Variants in PDK4 observed in about 807,000 individuals in gnomAD.
PDK4 encodes the protein pyruvate dehydrogenase kinase 4.
PDK4 carries 43 observed loss-of-function variants against 51.7 expected under a neutral mutation model. The observed-to-expected ratio is 0.83, with a 90% CI of 0.65 to 1.07. The LOEUF (loss-of-function observed/expected upper bound fraction) is 1.07, where lower values mean the gene tolerates loss of function less well. PDK4 is among the 50% of genes least tolerant of loss of function. PDK4 has a pLI of 0.00. For missense variants in PDK4, 498 were observed against 503.5 expected (o/e 0.99, Z 0.10); for synonymous variants, 170 against 176.6 (o/e 0.96, Z 0.30).
In PDK4 at chr7:95,596,369, C is replaced by G; in HGVS notation, c.-76G>C. On this transcript the variant is annotated 5_prime_UTR_variant, in exon 1 of 11. Coordinates refer to ENST00000005178, the MANE Select transcript of PDK4 (RefSeq NM_002612.4). ...GGCTGCTCGGAGCAGAGCCTGGTTC[C>G]GAGGGGGCGCGGCGCGTCCGGGCGA... 1 of 1,441,150 alleles carries G rather than the reference C, an allele frequency of 6.9e-7. No individual in the cohort carries two copies. Among genetic ancestry groups the G allele is most frequent in the South Asian group, 1.4e-5 (1 of 71,564 alleles). The allele number at this position is 1,441,150 out of a possible 1,614,324, so 89.3% of individuals were successfully genotyped here. A position where few individuals can be genotyped will look rare whatever the true frequency, so the allele number is the denominator to read the frequency against.
At chr7:95,585,896 A>T (rs1386916120) in intron 10 of PDK4, 115 bp from the exon 11 acceptor site, 2 of 830,160 alleles carry the variant, frequency 2.4e-6, no homozygotes, top group African/African-American at 3.4e-5. Flanking sequence ...ATTCAAATAC[A>T]TTCATTTAAT....
chr7:95,592,468 T>C (rs765590601), intron 5 of PDK4, 43 bp downstream of exon 5: 2 of 1,045,898 alleles, frequency 1.9e-6, no homozygotes. Flanking sequence ...CAATCATATA[T>C]TGTACATTTT....
chr7:95,589,502 T>G, intron 7 of PDK4, 138 bp downstream of exon 7: 1 of 513,548 alleles, frequency 1.9e-6, no homozygotes, highest in South Asian at 3.8e-5. Context: ...GTATAGTTTC[T>G]TTCTCTTAGG....
intron 2 of PDK4, among the ~76,000 whole-genome samples, chr7:95,594,409 T>C (rs1791589236): frequency 6.6e-6 from 1 of 151,102 alleles, no homozygotes; most frequent in Admixed American, 6.6e-5. Context: ...GCTGGCTGTG[T>C]GCCAAGTGCT....
chr7:95,592,719 C>T, intron 4 of PDK4, 41 bp downstream of exon 4: 2 of 1,508,862 alleles, frequency 1.3e-6, no homozygotes, highest in Non-Finnish European at 1.8e-6. Context: ...TTATATTCTA[C>T]ACCCATGTCT....
chr7:95,594,873 A>G, intron 2 of PDK4, 150 bp downstream of exon 2: 1 of 455,158 alleles, frequency 2.2e-6, no homozygotes, highest in Non-Finnish European at 3.9e-6. Context: ...ATGATAACTT[A>G]CCCTAAATTA....
At chr7:95,594,673 A>C (rs1791593901) in intron 2 of PDK4, 2 of 156,192 alleles carry the variant, frequency 1.3e-5, no homozygotes, top group African/African-American at 4.8e-5. Context: ...AGTCATGTGA[A>C]TTGGTTTCTA....
At chr7:95,589,472 T>C (rs1791525624) in intron 7 of PDK4, among the ~76,000 whole-genome samples, 168 bp downstream of exon 7, 1 of 152,240 alleles carries the variant, frequency 6.6e-6, no homozygotes, top group African/African-American at 2.4e-5. Context: ...GAGCTACATG[T>C]ACTTTGTCAA....
Position 95,584,353 on chromosome 7 carries a change from T to G in PDK4, c.*1288A>C, listed in dbSNP as rs1182609434. ...TCCTTTCTTTCCTTCCTGCCTTCTT[T>G]CATTTTTCCATTTCTTCTTCTCTAA... On this transcript the variant is annotated 3_prime_UTR_variant, in exon 11 of 11. Transcript: ENST00000005178. 6.6e-6 allele frequency: 1 copy of G among 152,178 alleles called. No homozygotes were observed. The highest frequency in any genetic ancestry group is 1.5e-5 in the Non-Finnish European group (1 of 68,038). 9.4% of individuals were successfully genotyped at this position (152,178 alleles called of 1,614,324 possible).
chr7:95,588,817 G>A lies in PDK4; in HGVS notation c.771+823C>T, dbSNP rs80207639. ...TCTTAATTTAACTTAATCTTAGGAC[G>A]CATGAAAGGATTTGATTCTTAGCAC... is the stretch of plus-strand genomic sequence containing the variant. On this transcript the variant is annotated intron_variant, in intron 7 of 10. Transcript: ENST00000005178. 4.3e-3 allele frequency among the ~76,000 whole-genome samples: 660 copies of A among 152,238 alleles called. 5 individuals carry two copies. The highest frequency in any genetic ancestry group is 0.015 in the African/African-American group (643 of 41,530).
At chr7:95,585,994 G>A (rs908336955) in intron 10 of PDK4, among the ~76,000 whole-genome samples, 1 of 138,140 alleles carries the variant, frequency 7.2e-6, no homozygotes, top group African/African-American at 2.5e-5. Context: ...TTTAAGAAGT[G>A]AATACATTAA....
intron 6 of PDK4, among the ~76,000 whole-genome samples, chr7:95,591,650 C>T (rs1254019173): frequency 8.5e-5 from 13 of 152,224 alleles, no homozygotes; most frequent in Admixed American, 8.5e-4. Context: ...GATATTTCCA[C>T]TGCTATATCC....
rs747724943 is a variant in PDK4 at position 95,585,766 on chromosome 7, A to C, written c.1111T>G (p.Ser371Ala). The C allele has an allele frequency of 6.3e-7, 1 of 1,593,438 alleles. No homozygotes were observed. The highest frequency in any genetic ancestry group is 8.6e-7 in the Non-Finnish European group (1 of 1,164,278). The change falls in exon 11 of 11, where the codon TCT becomes GCT. Residue 371 changes from serine to alanine, a missense_variant. By Grantham distance (99) the Ser-to-Ala change is moderately conservative (BLOSUM62 1). Coordinates refer to ENST00000005178, the MANE Select transcript of PDK4 (RefSeq NM_002612.4). ...IIYLKALSSESIEKLPVFNKS... is the reference protein window; with the variant it reads ...IIYLKALSSEAIEKLPVFNKS... The stretch of plus-strand genomic sequence containing the variant: ...TTAAAAACTGGAAGTTTTTCTATAG[A>C]CTCAGAAGACAAAGCCTAAAAGAAA...
At position 95,587,030 on chromosome 7, in the gene PDK4, C is replaced by A; in HGVS notation, c.1075G>T (p.Asp359Tyr). Residue 359 changes from aspartate to tyrosine, a missense_variant, in exon 10 of 11, where the codon GAT becomes TAT. By Grantham distance (160) the Asp-to-Tyr change is radical. Transcript: ENST00000005178. ...GATACCTTTAAGTAGATGATAGCAT[C>A]TGTTCCATATCCTGATAAAGAGTAG... Reference protein sequence around the residue: ...NLYSLSGYGTDAIIYLKALSS... With the variant: ...NLYSLSGYGTYAIIYLKALSS... 6.3e-7 allele frequency: 1 copy of A among 1,579,234 alleles called. No individual in the cohort carries two copies. The highest frequency in any genetic ancestry group is 8.7e-7 in the Non-Finnish European group (1 of 1,148,876).
In PDK4 at chr7:95,587,453, T is replaced by C. The variant is rs761104203; in HGVS notation, c.946A>G (p.Thr316Ala). The C allele has an allele frequency of 2.2e-5, 35 of 1,609,724 alleles. No homozygotes were observed. Among genetic ancestry groups the C allele is most frequent in the Non-Finnish European group, 2.7e-5 (32 of 1,175,956 alleles). ...TTCCGGGAATTATCCATCACAGGCG[T>C]TGGTGCAGTGGAGTATGTATAACTA... Reference protein sequence around the residue: ...LFSYTYSTAPTPVMDNSRNAP... With the variant: ...LFSYTYSTAPAPVMDNSRNAP... Residue 316 changes from threonine (T) to alanine (A), a missense_variant, in exon 9 of 11, where the codon ACG (threonine) becomes GCG (alanine). Thr to Ala is a moderately conservative substitution (Grantham distance 58, BLOSUM62 0). Coordinates refer to ENST00000005178, the MANE Select transcript of PDK4 (RefSeq NM_002612.4).
In PDK4 at chr7:95,587,092, C is replaced by T. The variant is rs530118760; in HGVS notation, c.1013G>A (p.Arg338His). Residue 338 changes from arginine (R) to histidine (H), a missense_variant, in exon 10 of 11, where the codon CGT (arginine) becomes CAT (histidine). Coordinates refer to ENST00000005178, the MANE Select transcript of PDK4 (RefSeq NM_002612.4). ...AGFGYGLPISRLYAKYFQGDL... is the reference protein window; with the variant it reads ...AGFGYGLPISHLYAKYFQGDL... ...TCCTTGAAAGTACTTTGCATACAGA[C>T]GAGAAATTGGCAAGCCGTAACCAAA... is the stretch of plus-strand genomic sequence containing the variant. 1.1e-5 allele frequency: 18 copies of T among 1,611,162 alleles called. No individual in the cohort carries two copies. The highest frequency in any genetic ancestry group is 1.7e-4 in the Middle Eastern group (1 of 6,056).
intron 10 of PDK4, 90 bp from the exon 11 acceptor site, chr7:95,585,871 G>A (rs1208878863): frequency 7.1e-6 from 8 of 1,130,818 alleles, no homozygotes; most frequent in Admixed American, 4.1e-5. Flanking sequence ...TACATTCAGA[G>A]GTAAGTATCC....
At chr7:95,587,889 T>C in intron 7 of PDK4, 64 bp from the exon 8 acceptor site, 1 of 1,053,602 alleles carries the variant, frequency 9.5e-7, no homozygotes, top group Non-Finnish European at 1.4e-6. Flanking sequence ...AATGTTTTTT[T>C]TTTTATGTTT....
rs764196920 is a variant in PDK4 at position 95,587,818 on chromosome 7, A to T, written c.779T>A (p.Met260Lys). The T allele has an allele frequency of 6.2e-7, 1 of 1,608,012 alleles. No individual in the cohort carries two copies. Among genetic ancestry groups the T allele is most frequent in the Non-Finnish European group, 8.5e-7 (1 of 1,174,516 alleles). The change falls in exon 8 of 11, where the codon ATG becomes AAG. Residue 260 changes from methionine (M) to lysine (K), a missense_variant. Physicochemically the swap from Met to Lys is moderately conservative, Grantham distance 95. Coordinates refer to ENST00000005178, the MANE Select transcript of PDK4 (RefSeq NM_002612.4). ...HMLFELFKNAMRATVEHQENQ... is the reference protein window; with the variant it reads ...HMLFELFKNAKRATVEHQENQ... Reference sequence around the variant, plus strand: ...TTCCTGGTGTTCAACTGTTGCCCGCATTGCATTCTAAAACAAAGCAAACCA... The same window carrying T: ...TTCCTGGTGTTCAACTGTTGCCCGCTTTGCATTCTAAAACAAAGCAAACCA...
Sources: allele counts gnomAD v4.1 joint callset (sites outside exome capture counted in the v4.1 genomes callset), GRCh38; gene constraint gnomAD v4.1.1; transcripts MANE v1.5; gene names NCBI Gene and HGNC (gene_info 2026-07-23, HGNC 2026-07-21).